SMG6: variants seen among roughly 807,000 people sequenced by gnomAD.
SMG6 encodes the protein telomerase-binding protein EST1A.
Under a neutral mutation model 142.2 loss-of-function variants are expected in SMG6, and 66 were observed. The ratio of observed to expected loss-of-function variants is 0.46; its 90% CI spans 0.38 to 0.57. The LOEUF is 0.57. SMG6 is among the 20% of genes least tolerant of loss of function. The pLI is 0.00. For missense variants in SMG6, 1,793 were observed against 1,832.0 expected, an observed-to-expected ratio of 0.98 and a Z score of 0.39; for synonymous variants, 779 against 702.4, an observed-to-expected ratio of 1.11 and a Z score of -1.72.
At position 2,302,553 on chromosome 17, in the gene SMG6, TAAC is replaced by T. The variant is rs921512573; in HGVS notation, c.88+1077_88+1079del. Among the ~76,000 whole-genome samples the T allele has an allele frequency of 3.0e-4, 45 of 152,110 alleles. 2 individuals are homozygous for T. The highest frequency in any genetic ancestry group is 9.9e-4 in the African/African-American group (41 of 41,494). ...TAGACTCCGTCTCAAAAAATAATAA[TAAC>T]AACAATAAAAAAGTTTTTAATCCTA... On this transcript the variant is annotated intron_variant, in intron 1 of 18. Transcript: ENST00000263073.
intron 13 of SMG6, among the ~76,000 whole-genome samples, chr17:2,103,747 A>G (rs112088916): frequency 7.9e-4 from 121 of 152,288 alleles, no homozygotes; most frequent in Admixed American, 2.4e-3. Flanking sequence ...CTTGGAGGGT[A>G]TAAGCCAAAC....
At position 2,188,493 on chromosome 17, in the gene SMG6, G is replaced by C. The variant is rs776831909; in HGVS notation, c.2892C>G (p.Arg964=). 3.1e-6 allele frequency: 5 copies of C among 1,613,964 alleles called. No homozygotes were observed. In the African/African-American group the frequency reaches 6.7e-5, roughly 22 times the overall value. ...QLKDCFSEEC[R]SVIQEQAAAL... is the part of the protein sequence containing the mutation. ...CTGCGGCTTGTTCCTGGATCACAGA[G>C]CGGCACTCCTCCGAGAAGCAGTCTG... The change falls in exon 11 of 19, where the codon CGC becomes CGG. Residue 964 remains arginine, a synonymous_variant. Coordinates refer to ENST00000263073, the MANE Select transcript of SMG6 (RefSeq NM_017575.5).
chr17:2,065,795 A>T, intron 16 of SMG6, 116 bp from the exon 17 acceptor site: 1 of 850,078 alleles, frequency 1.2e-6, no homozygotes, highest in Non-Finnish European at 1.8e-6. Flanking sequence ...TCCTTCCCCC[A>T]CAGGAGTCTT....
chr17:2,082,294 T>G (rs183916651), intron 14 of SMG6: 59 of 222,950 alleles, frequency 2.6e-4, no homozygotes, highest in African/African-American at 1.2e-3. Flanking sequence ...TTAGGCCTAT[T>G]TTCATTCTGA....
intron 11 of SMG6, 86 bp from the exon 12 acceptor site, chr17:2,186,917 T>C (rs928856957): frequency 6.9e-7 from 1 of 1,446,716 alleles, no homozygotes; most frequent in Non-Finnish European, 9.4e-7. Context: ...AGCAAGCTCT[T>C]AGGGAAGGGA....
At chr17:2,227,242 T>C (rs569415858) in intron 10 of SMG6, among the ~76,000 whole-genome samples, 4 of 152,262 alleles carry the variant, frequency 2.6e-5, no homozygotes, top group African/African-American at 9.6e-5. Flanking sequence ...GTAAGAGAAA[T>C]GAAAACACGT....
Position 2,065,617 on chromosome 17 carries a change from C to T in SMG6, c.3898G>A (p.Ala1300Thr), listed in dbSNP as rs1245679453. Residue 1300 changes from alanine to threonine, a missense_variant, in exon 17 of 19, where the codon GCC becomes ACC. By Grantham distance (58) the Ala-to-Thr change is moderately conservative. Around this residue, in one of 3 missense-constraint regions of SMG6, gnomAD observed 179 missense variants for 212.6 expected, o/e 0.84. Transcript: ENST00000263073. The stretch of plus-strand genomic sequence containing the variant: ...CGGGCCTTCTCTTGTACCACACGGG[C>T]GTAGCCCCCAGCCCGGTGGTCTGTC... ...QETDHRAGGY[A>T]RVVQEKARKS... 14 of 1,614,014 alleles carry T rather than the reference C, an allele frequency of 8.7e-6. No homozygotes were observed. Among genetic ancestry groups the T allele is most frequent in the African/African-American group, 6.7e-5 (5 of 75,060 alleles).
intron 13 of SMG6, among the ~76,000 whole-genome samples, chr17:2,139,871 G>A (rs1452137501): frequency 1.3e-5 from 2 of 151,408 alleles, no homozygotes; most frequent in South Asian, 2.1e-4. Context: ...GATTACAGGC[G>A]CATGCCACCA....
intron 13 of SMG6, among the ~76,000 whole-genome samples, chr17:2,144,143 C>A (rs567610229): frequency 4.2e-4 from 63 of 149,364 alleles, no homozygotes; most frequent in African/African-American, 1.5e-3. Context: ...ACTGCAATGT[C>A]CGCCTCCCGG....
intron 12 of SMG6, among the ~76,000 whole-genome samples, chr17:2,185,765 A>G (rs2071962085): frequency 6.7e-6 from 1 of 150,226 alleles, no homozygotes; most frequent in South Asian, 2.1e-4. Context: ...GACGGGGACG[A>G]GGGCAGGGAC....
intron 10 of SMG6, among the ~76,000 whole-genome samples, chr17:2,198,569 C>A (rs950953426): frequency 1.3e-5 from 2 of 152,062 alleles, no homozygotes; most frequent in African/African-American, 4.8e-5. Context: ...TAAAGCTATG[C>A]AAGACATGAA....
chr17:2,271,595 G>A (rs2074544447), intron 8 of SMG6, among the ~76,000 whole-genome samples: 1 of 152,010 alleles, frequency 6.6e-6, no homozygotes, highest in South Asian at 2.1e-4. Context: ...GGCGCCTGTA[G>A]TCCCAGCTAC....
intron 15 of SMG6, among the ~76,000 whole-genome samples, chr17:2,079,017 G>A (rs556946045): frequency 1.3e-5 from 2 of 152,246 alleles, no homozygotes; most frequent in Admixed American, 6.5e-5. Context: ...AGGCTGGGGT[G>A]CAGTGGCGCA....
chr17:2,186,924 G>A (rs1267255142), intron 11 of SMG6, 93 bp from the exon 12 acceptor site: 7 of 1,350,172 alleles, frequency 5.2e-6, no homozygotes, highest in East Asian at 2.5e-5. Flanking sequence ...TCTTAGGGAA[G>A]GGAGACCAAG....
chr17:2,250,413 G>C (rs1442552103), intron 8 of SMG6, among the ~76,000 whole-genome samples: 2 of 150,440 alleles, frequency 1.3e-5, no homozygotes, highest in Non-Finnish European at 3.0e-5. Context: ...TTTGAGACAG[G>C]GTCTCACTCT....
At chr17:2,164,358 G>A (rs1443924108) in intron 13 of SMG6, among the ~76,000 whole-genome samples, 1 of 151,922 alleles carries the variant, frequency 6.6e-6, no homozygotes, top group East Asian at 1.9e-4. Flanking sequence ...GGGAGACAGA[G>A]GTTGCAGTGA....
rs1456273580 is a variant in SMG6 at position 2,300,484 on chromosome 17, C to A, written c.269G>T (p.Gly90Val). Reference protein sequence around the residue: ...NDRDCSAVENGTQPVKDVCKE... With the variant: ...NDRDCSAVENVTQPVKDVCKE... The stretch of plus-strand genomic sequence containing the variant: ...GCAGACATCTTTAACGGGCTGTGTA[C>A]CATTTTCAACAGCAGAGCAATCTCG... The change falls in exon 2 of 19, where the codon GGT becomes GTT. Residue 90 changes from glycine to valine, a missense_variant. By Grantham distance (109) the Gly-to-Val change is moderately radical. Coordinates refer to ENST00000263073, the MANE Select transcript of SMG6 (RefSeq NM_017575.5). The A allele has an allele frequency of 6.2e-7, 1 of 1,614,046 alleles. No individual in the cohort carries two copies. The highest frequency in any genetic ancestry group is 8.5e-7 in the Non-Finnish European group (1 of 1,180,024).
At chr17:2,235,429 C>A (rs1423864274) in intron 10 of SMG6, among the ~76,000 whole-genome samples, 1 of 152,186 alleles carries the variant, frequency 6.6e-6, no homozygotes, top group Non-Finnish European at 1.5e-5. Flanking sequence ...CACTCCCCCA[C>A]CACAACCAAG....
In SMG6 at chr17:2,163,103, G is replaced by A. The variant is rs1003829473; in HGVS notation, c.3357+9555C>T. Among the ~76,000 whole-genome samples, 33 of 151,830 alleles carry A rather than the reference G, an allele frequency of 2.2e-4. 1 individual carries two copies. The highest frequency in any genetic ancestry group is 1.7e-3 in the Admixed American group (26 of 15,230). On this transcript the variant is annotated intron_variant, in intron 13 of 18. Coordinates refer to ENST00000263073, the MANE Select transcript of SMG6 (RefSeq NM_017575.5). Reference sequence around the variant, plus strand: ...TGCCTCAGCCTCCTGAAGTACTGGCGTTACAGGTGTGAGCCAACATGCCTG... The same window carrying A: ...TGCCTCAGCCTCCTGAAGTACTGGCATTACAGGTGTGAGCCAACATGCCTG...
Sources: allele counts gnomAD v4.1 joint callset (sites outside exome capture counted in the v4.1 genomes callset), GRCh38; gene constraint gnomAD v4.1.1; regional missense constraint gnomAD v4.1.1; transcripts MANE v1.5; gene names NCBI Gene and HGNC (gene_info 2026-07-23, HGNC 2026-07-21).